PACRG: variants seen among roughly 807,000 people sequenced by gnomAD.
PACRG encodes the protein parkin coregulated.
A neutral mutation model predicts 29.7 loss-of-function variants in PACRG; 29 were observed. The observed-to-expected ratio is 0.98, with a 90% CI of 0.73 to 1.33. PACRG has a LOEUF of 1.33. Ranked by LOEUF, PACRG falls within the 40% of genes most tolerant of loss-of-function variation. The pLI is 0.00. For missense variants in PACRG, 279 were observed against 316.2 expected (o/e 0.88, Z 0.89); for synonymous variants, 116 against 118.7 (o/e 0.98, Z 0.15).
intron 2 of PACRG, among the ~76,000 whole-genome samples, chr6:162,967,507 C>T (rs1801141234): frequency 6.6e-6 from 1 of 150,802 alleles, no homozygotes; most frequent in African/African-American, 2.4e-5. Flanking sequence ...ATTGAACTTT[C>T]TCTTTTTTTT....
intron 1 of PACRG, among the ~76,000 whole-genome samples, chr6:162,792,868 A>T (rs1785069210): frequency 6.6e-6 from 1 of 151,984 alleles, no homozygotes; most frequent in African/African-American, 2.4e-5. Context: ...GTGTAGAGCC[A>T]TTCAGGAGCC....
At chr6:163,305,838 A>G (rs1785179323) in intron 4 of PACRG, among the ~76,000 whole-genome samples, 1 of 152,240 alleles carries the variant, frequency 6.6e-6, no homozygotes. Context: ...TGCAGTGGCT[A>G]CAGTATCTCC....
At chr6:163,100,321 T>C (rs986293839) in intron 4 of PACRG, among the ~76,000 whole-genome samples, 2 of 152,142 alleles carry the variant, frequency 1.3e-5, no homozygotes, top group African/African-American at 2.4e-5. Context: ...CCCACTCCCA[T>C]GCCGTGCACT....
chr6:163,108,392 C>CTTTTTTTTTTT (rs528887997), intron 4 of PACRG, among the ~76,000 whole-genome samples: 1 of 90,510 alleles, frequency 1.1e-5, no homozygotes, highest in Non-Finnish European at 2.0e-5. Flanking sequence ...TTCTCTTTCC[C>CTTTTTTTTTTT]TTTTTTTTTT....
chr6:162,933,624 T>TTTC (rs1397731253), intron 2 of PACRG, among the ~76,000 whole-genome samples: 2 of 121,558 alleles, frequency 1.6e-5, no homozygotes, highest in African/African-American at 5.9e-5. Context: ...TTTTTTTTTT[T>TTTC]ACTTAAAGTC....
At chr6:163,056,808 A>G (rs1237871660) in intron 2 of PACRG, among the ~76,000 whole-genome samples, 1 of 152,196 alleles carries the variant, frequency 6.6e-6, no homozygotes, top group Admixed American at 6.5e-5. Flanking sequence ...TTTGGCTTCC[A>G]TGCTCCACCC....
At chr6:163,227,599 A>G (rs1199724852) in intron 4 of PACRG, among the ~76,000 whole-genome samples, 1 of 152,194 alleles carries the variant, frequency 6.6e-6, no homozygotes, top group Non-Finnish European at 1.5e-5. Flanking sequence ...CAGCCTACCC[A>G]TCGTTACAGG....
intron 1 of PACRG, among the ~76,000 whole-genome samples, chr6:162,746,048 T>C (rs913241834): frequency 3.3e-5 from 5 of 152,038 alleles, no homozygotes; most frequent in Admixed American, 2.0e-4. Context: ...AGTAATACTA[T>C]AAAAAAATTA....
chr6:162,997,549 G>T (rs1804184406), intron 2 of PACRG: 1 of 398,392 alleles, frequency 2.5e-6, no homozygotes, highest in South Asian at 1.8e-5. Context: ...GTCAAGGTGG[G>T]CCCAAGGATT....
intron 4 of PACRG, among the ~76,000 whole-genome samples, chr6:163,277,524 C>CAT (rs199597576): frequency 0.011 from 1,615 of 143,448 alleles, 38 homozygotes; most frequent in African/African-American, 0.04. Flanking sequence ...CACATATACA[C>CAT]ATATATACAT....
At chr6:162,928,030 C>G (rs1002777127) in intron 2 of PACRG, among the ~76,000 whole-genome samples, 6 of 151,954 alleles carry the variant, frequency 3.9e-5, no homozygotes, top group African/African-American at 9.7e-5. Context: ...GAGGGTAATG[C>G]TGGCCTCATA....
chr6:163,196,159 C>T (rs999415201), intron 4 of PACRG, among the ~76,000 whole-genome samples: 8 of 152,226 alleles, frequency 5.3e-5, no homozygotes, highest in African/African-American at 1.9e-4. Context: ...AGAACGTTCC[C>T]TGATCATCTA....
chr6:163,101,153 C>G (rs1461646394), intron 4 of PACRG: 2 of 983,586 alleles, frequency 2.0e-6, no homozygotes, highest in South Asian at 9.4e-5. Context: ...TCTGCCTCTG[C>G]CCCCGCCCCC....
At chr6:163,179,459 G>T in intron 4 of PACRG, 1 of 287,064 alleles carries the variant, frequency 3.5e-6, no homozygotes, top group Non-Finnish European at 6.9e-6. Context: ...CAACACTTTG[G>T]GAGGCTGATG....
chr6:162,932,908 T>G (rs1797955453), intron 2 of PACRG, among the ~76,000 whole-genome samples: 1 of 151,982 alleles, frequency 6.6e-6, no homozygotes, highest in African/African-American at 2.4e-5. Context: ...AATTTTGGGT[T>G]TAGCTTTTTT....
At chr6:162,785,804 A>G (rs1784423934) in intron 1 of PACRG, among the ~76,000 whole-genome samples, 1 of 152,154 alleles carries the variant, frequency 6.6e-6, no homozygotes, top group South Asian at 2.1e-4. Flanking sequence ...TATGCGGCCC[A>G]GTTCCTAGCA....
chr6:162,966,153 G>C (rs1801001712), intron 2 of PACRG, among the ~76,000 whole-genome samples: 1 of 152,304 alleles, frequency 6.6e-6, no homozygotes, highest in East Asian at 1.9e-4. Context: ...ATTTATTAGG[G>C]ATATGGTGCA....
rs1018096888 is a variant in PACRG at position 162,766,785 on chromosome 6, G to C, written c.156+38394G>C. ...TAATATGTTCATATTTTAAATTTCT[G>C]ATCTATCTGTGATAGAAATTAAGTC... On this transcript the variant is annotated intron_variant, in intron 1 of 4. Transcript: ENST00000366888. Among the ~76,000 whole-genome samples, 5 of 152,086 alleles carry C rather than the reference G, an allele frequency of 3.3e-5. No homozygotes were observed. In the South Asian group the frequency reaches 1.0e-3, roughly 32 times the overall value.
At chr6:162,775,192 C>G (rs567972056) in intron 1 of PACRG, among the ~76,000 whole-genome samples, 3 of 152,264 alleles carry the variant, frequency 2.0e-5, no homozygotes, top group African/African-American at 7.2e-5. Context: ...GAAAGTGGAC[C>G]CGCAGCAGAC....
Sources: gnomAD v4.1 joint callset for allele counts (sites outside exome capture counted in the v4.1 genomes callset) on GRCh38, gnomAD v4.1.1 for gene constraint, MANE v1.5 for transcripts, NCBI Gene and HGNC (gene_info 2026-07-23, HGNC 2026-07-21) for gene names.